BCAS3: variants seen among roughly 807,000 people sequenced by gnomAD.
BCAS3 encodes BCAS4/BCAS3 fusion.
Under a neutral mutation model 116.1 loss-of-function variants are expected in BCAS3, and 53 were observed. The ratio of observed to expected loss-of-function variants is 0.46; its 90% confidence interval spans 0.37 to 0.57. BCAS3 has a LOEUF of 0.57. Ranked by LOEUF, BCAS3 falls within the 20% of genes least tolerant of loss-of-function variation. The pLI is 0.00. For synonymous variants in BCAS3, 391 were observed against 408.2 expected (o/e 0.96, Z 0.51); for missense variants, 917 against 1,165.4 (o/e 0.79, Z 3.10).
At chr17:60,716,614 A>T (rs1299039775) in intron 5 of BCAS3, among the ~76,000 whole-genome samples, 1 of 151,990 alleles carries the variant, frequency 6.6e-6, no homozygotes, top group Non-Finnish European at 1.5e-5. Context: ...CACAAAAATT[A>T]GGGCTGAAAC....
At chr17:60,804,924 T>C (rs932825372) in intron 6 of BCAS3, among the ~76,000 whole-genome samples, 1 of 151,896 alleles carries the variant, frequency 6.6e-6, no homozygotes, top group African/African-American at 2.4e-5. Context: ...TTGTCAATTA[T>C]TGTGGCTTTT....
intron 22 of BCAS3, among the ~76,000 whole-genome samples, chr17:61,268,379 GCTTT>G (rs2049941521): frequency 6.6e-6 from 1 of 151,422 alleles, no homozygotes; most frequent in African/African-American, 2.4e-5. Flanking sequence ...ATTTTCTTTT[GCTTT>G]CTATTTGCCA....
chr17:61,250,619 A>C (rs1297598059), intron 22 of BCAS3, among the ~76,000 whole-genome samples: 1 of 152,220 alleles, frequency 6.6e-6, no homozygotes, highest in Admixed American at 6.5e-5. Flanking sequence ...AACTGAAATT[A>C]AGGGGCACAG....
intron 12 of BCAS3, among the ~76,000 whole-genome samples, chr17:60,911,546 C>T (rs1168891710): frequency 6.6e-6 from 1 of 152,170 alleles, no homozygotes; most frequent in African/African-American, 2.4e-5. Context: ...GATCTGTCCG[C>T]CTTGGCCTCC....
Position 61,371,123 on chromosome 17 carries a change from C to G in BCAS3, c.2593+2629C>G, listed in dbSNP as rs140107463. On this transcript the variant is annotated intron_variant, in intron 23 of 23. Transcript: ENST00000407086. ...CAATTGGGACCCATGGCCTCTTTAT[C>G]AAAGTATGAATGAAGCACAGAGAGC... Among the ~76,000 whole-genome samples, 112 of 152,348 alleles carry G rather than the reference C, an allele frequency of 7.4e-4. 1 individual carries two copies. The highest frequency in any genetic ancestry group is 2.5e-3 in the African/African-American group (106 of 41,586).
chr17:60,852,419 T>G (rs569760902), intron 7 of BCAS3, among the ~76,000 whole-genome samples: 3 of 152,202 alleles, frequency 2.0e-5, no homozygotes, highest in Non-Finnish European at 2.9e-5. Flanking sequence ...AGTTGTGAAT[T>G]GGTGGGATGT....
rs1174176705 is a variant in BCAS3, at chr17:60,921,212, G to T, written c.994-3195G>T. On this transcript the variant is annotated intron_variant, in intron 12 of 23. Coordinates refer to ENST00000407086, the MANE Select transcript of BCAS3 (RefSeq NM_017679.5). ...AAGGAAATGTGCTATTCATCACCAT[G>T]GAATACTACACAGCCATAAAGAGAA... is the stretch of plus-strand genomic sequence containing the variant. Among the ~76,000 whole-genome samples the T allele has an allele frequency of 2.0e-5, 3 of 152,144 alleles. No individual in the cohort carries two copies. The East Asian group carries it at 5.8e-4, about 29-fold the overall frequency.
chr17:60,851,562 T>C (rs2053168051), intron 7 of BCAS3: 2 of 620,254 alleles, frequency 3.2e-6, no homozygotes, highest in African/African-American at 3.7e-5. Flanking sequence ...GGGTGAATAA[T>C]TTCTACCCAA....
chr17:60,723,094 T>G (rs946244629), intron 5 of BCAS3, among the ~76,000 whole-genome samples: 3 of 152,196 alleles, frequency 2.0e-5, no homozygotes, highest in Admixed American at 6.5e-5. Flanking sequence ...TCCAGAAAAT[T>G]TTATAATGTA....
At chr17:60,864,980 T>C (rs1469766400) in intron 7 of BCAS3, among the ~76,000 whole-genome samples, 1 of 152,210 alleles carries the variant, frequency 6.6e-6, no homozygotes, top group Non-Finnish European at 1.5e-5. Flanking sequence ...CCGTCTTCTA[T>C]GGGTCCAGTA....
intron 6 of BCAS3, among the ~76,000 whole-genome samples, chr17:60,788,150 T>G: frequency 6.6e-6 from 1 of 152,186 alleles, no homozygotes; most frequent in East Asian, 1.9e-4. Context: ...GCAGACGCCT[T>G]TATCAATAAT....
rs1475073930 is a variant in BCAS3, at chr17:61,070,328, T to C, written c.2030-4592T>C. ...GATGCTTTGGATGTTGCCAACAAAA[T>C]TGGGATCATCTAAACTGAGTCCAGC... On this transcript the variant is annotated intron_variant, in intron 19 of 23. Transcript: ENST00000407086. 4 of 917,670 alleles carry C rather than the reference T, an allele frequency of 4.4e-6. No individual in the cohort carries two copies. In the African/African-American group the frequency reaches 5.0e-5, roughly 12 times the overall value. The allele number at this position is 917,670 out of a possible 1,614,324, so 56.8% of individuals were successfully genotyped here.
At chr17:60,749,034 C>T (rs2144270024) in intron 6 of BCAS3, 1 of 152,294 alleles carries the variant, frequency 6.6e-6, no homozygotes, top group East Asian at 1.9e-4. Context: ...AACTCACTAC[C>T]TTCGGAGCAG....
chr17:60,802,295 A>AAATATAT (rs1299403402), intron 6 of BCAS3, among the ~76,000 whole-genome samples: 58 of 127,940 alleles, frequency 4.5e-4, no homozygotes, highest in African/African-American at 2.0e-3. Context: ...AAAAAAAAAA[A>AAATATAT]ATATATATAT....
intron 13 of BCAS3, among the ~76,000 whole-genome samples, chr17:60,929,295 C>A (rs974789675): frequency 6.6e-6 from 1 of 152,006 alleles, no homozygotes; most frequent in African/African-American, 2.4e-5. Context: ...CGTGGTGGCA[C>A]GTGCCTGTAG....
chr17:61,155,022 G>C (rs138967147), intron 22 of BCAS3, among the ~76,000 whole-genome samples: 1 of 151,934 alleles, frequency 6.6e-6, no homozygotes, highest in East Asian at 1.9e-4. Flanking sequence ...GTATGGAAAA[G>C]TGATCAACAA....
chr17:61,159,418 C>G (rs1206406704), intron 22 of BCAS3: 1 of 152,126 alleles, frequency 6.6e-6, no homozygotes, highest in African/African-American at 2.4e-5. Flanking sequence ...GAACATCTTT[C>G]TAAATCCTTT....
At position 61,151,405 on chromosome 17, in the gene BCAS3, T is replaced by A. The variant is rs1601596171; in HGVS notation, c.2425+66841T>A. Among the ~76,000 whole-genome samples the A allele has an allele frequency of 6.6e-6, 1 of 151,872 alleles. No individual in the cohort carries two copies. Among genetic ancestry groups the A allele is most frequent in the Non-Finnish European group, 1.5e-5 (1 of 67,976 alleles). On this transcript the variant is annotated intron_variant, in intron 22 of 23. Transcript: ENST00000407086. This position sits in a 1 kb window ranked among gnomAD's most constrained non-coding sequence, Gnocchi z 4.8. ...TGTTTTTTCCTACTTTTTTTTTTTT[T>A]AACCTGTTAAGGTCTTCCGCAAATT... is the stretch of plus-strand genomic sequence containing the variant.
At chr17:60,782,104 TA>T (rs1291297902) in intron 6 of BCAS3, among the ~76,000 whole-genome samples, 2 of 152,170 alleles carry the variant, frequency 1.3e-5, no homozygotes, top group African/African-American at 4.8e-5. Context: ...GACTGAAAAT[TA>T]AGGATGACCA....
Sources: gnomAD v4.1 joint callset for allele counts (sites outside exome capture counted in the v4.1 genomes callset) on GRCh38, gnomAD v4.1.1 for gene constraint, Gnocchi (gnomAD v3.1) non-coding constraint, MANE v1.5 for transcripts, NCBI Gene and HGNC (gene_info 2026-07-23, HGNC 2026-07-21) for gene names.